SLC24A3: variants seen among roughly 807,000 people sequenced by gnomAD.
SLC24A3 encodes solute carrier family 24 member 3, also known as sodium/potassium/calcium exchanger 3.
Under a neutral mutation model 75.8 loss-of-function variants are expected in SLC24A3, and 28 were observed. The ratio of observed to expected loss-of-function variants is 0.37; its 90% CI spans 0.27 to 0.51. SLC24A3 has a LOEUF of 0.51. SLC24A3 is among the 20% of genes least tolerant of loss of function. The pLI is 0.94. For missense variants in SLC24A3, 663 were observed against 847.8 expected, an observed-to-expected ratio of 0.78 and a Z score of 2.71; for synonymous variants, 372 against 334.1, an observed-to-expected ratio of 1.11 and a Z score of -1.24.
chr20:19,308,879 A>G (rs1357599323), intron 2 of SLC24A3, among the ~76,000 whole-genome samples: 2 of 152,218 alleles, frequency 1.3e-5, no homozygotes, highest in African/African-American at 4.8e-5. Flanking sequence ...AACTAAATGA[A>G]ACATCTCTGC....
At chr20:19,458,114 G>T (rs1245308992) in intron 2 of SLC24A3, among the ~76,000 whole-genome samples, 1 of 152,078 alleles carries the variant, frequency 6.6e-6, no homozygotes, top group Non-Finnish European at 1.5e-5. Flanking sequence ...TGGAAGTTCT[G>T]CTTGAGAATG....
chr20:19,218,185 C>T, intron 1 of SLC24A3, among the ~76,000 whole-genome samples: 1 of 152,178 alleles, frequency 6.6e-6, no homozygotes, highest in East Asian at 1.9e-4. Flanking sequence ...AAGTAGTCAT[C>T]CTGTGTTAGG....
At chr20:19,324,096 G>C (rs770536834) in intron 2 of SLC24A3, among the ~76,000 whole-genome samples, 3 of 152,256 alleles carry the variant, frequency 2.0e-5, no homozygotes, top group East Asian at 1.9e-4. Flanking sequence ...AACAAGCTTG[G>C]TTGCTGCCAT....
At chr20:19,305,701 A>G (rs1226685428) in intron 2 of SLC24A3, among the ~76,000 whole-genome samples, 1 of 152,208 alleles carries the variant, frequency 6.6e-6, no homozygotes, top group Non-Finnish European at 1.5e-5. Context: ...GGCCAGCCAC[A>G]TGCAGAAGAA....
chr20:19,653,969 G>A, intron 6 of SLC24A3, 93 bp from the exon 7 acceptor site: 1 of 996,816 alleles, frequency 1.0e-6, no homozygotes, highest in Non-Finnish European at 1.6e-6. Context: ...AGGACAGGAG[G>A]CCTAGACAGG....
At chr20:19,672,230 T>C (rs1690722141) in intron 8 of SLC24A3, among the ~76,000 whole-genome samples, 1 of 152,156 alleles carries the variant, frequency 6.6e-6, no homozygotes, top group African/African-American at 2.4e-5. Flanking sequence ...TGACAGAAGC[T>C]GAGAAATGTG....
At chr20:19,584,591 G>A (rs558556301) in intron 4 of SLC24A3, among the ~76,000 whole-genome samples, 6 of 152,112 alleles carry the variant, frequency 3.9e-5, no homozygotes, top group Admixed American at 2.0e-4. Flanking sequence ...CAGACCTACC[G>A]CCTGCTGTGG....
chr20:19,717,370 C>T (rs1325468876), intron 15 of SLC24A3, among the ~76,000 whole-genome samples, 158 bp from the exon 16 acceptor site: 1 of 152,222 alleles, frequency 6.6e-6, no homozygotes, highest in African/African-American at 2.4e-5. Flanking sequence ...CAAGTATAAG[C>T]TGTGGAGCTG....
At chr20:19,354,914 C>G (rs1310094028) in intron 2 of SLC24A3, among the ~76,000 whole-genome samples, 1 of 152,106 alleles carries the variant, frequency 6.6e-6, no homozygotes, top group Non-Finnish European at 1.5e-5. Context: ...TAAGTCACTT[C>G]TCCTCCTTTG....
chr20:19,435,305 T>C (rs1450654088), intron 2 of SLC24A3, among the ~76,000 whole-genome samples: 1 of 152,220 alleles, frequency 6.6e-6, no homozygotes, highest in African/African-American at 2.4e-5. Context: ...GATTAAGTGG[T>C]ACTGCCCATG....
At chr20:19,429,266 TGACCCAGAGGAG>T (rs1987062510) in intron 2 of SLC24A3, among the ~76,000 whole-genome samples, 1 of 152,264 alleles carries the variant, frequency 6.6e-6, no homozygotes, top group Admixed American at 6.5e-5. Flanking sequence ...TGTATTGGGT[TGACCCAGAGGAG>T]GCTGCTGATA....
chr20:19,424,092 A>G (rs1986960308), intron 2 of SLC24A3, among the ~76,000 whole-genome samples: 1 of 152,168 alleles, frequency 6.6e-6, no homozygotes, highest in African/African-American at 2.4e-5. Context: ...ACAGTAGACA[A>G]GTGGGGGTGG....
intron 1 of SLC24A3, among the ~76,000 whole-genome samples, chr20:19,275,013 G>A (rs933465857): frequency 3.3e-5 from 5 of 152,168 alleles, no homozygotes; most frequent in Admixed American, 6.5e-5. Context: ...TGTTGCATTC[G>A]GCTTTACAAG....
chr20:19,404,848 A>T (rs1188180507), intron 2 of SLC24A3, among the ~76,000 whole-genome samples: 2 of 152,074 alleles, frequency 1.3e-5, no homozygotes, highest in African/African-American at 4.8e-5. Context: ...CAGTTCTTTC[A>T]CCTGGTGCCC....
intron 16 of SLC24A3, among the ~76,000 whole-genome samples, chr20:19,719,953 G>A (rs1169810372): frequency 1.3e-5 from 2 of 152,206 alleles, no homozygotes; most frequent in East Asian, 3.9e-4. Flanking sequence ...GTATCAATGA[G>A]GTGTGGGCTA....
chr20:19,337,450 A>T (rs1046228575), intron 2 of SLC24A3, among the ~76,000 whole-genome samples: 4 of 106,616 alleles, frequency 3.8e-5, no homozygotes, highest in African/African-American at 2.4e-4. Context: ...ATCTCAAAAT[A>T]AGTAAATAAA....
chr20:19,456,350 A>C (rs1231620052), intron 2 of SLC24A3, among the ~76,000 whole-genome samples: 3 of 152,126 alleles, frequency 2.0e-5, no homozygotes, highest in Non-Finnish European at 4.4e-5. Flanking sequence ...TCGTGGGGGC[A>C]GTTTCCCCCA....
chr20:19,713,345 A>ATAATT (rs2033009887), intron 15 of SLC24A3, among the ~76,000 whole-genome samples: 1 of 152,200 alleles, frequency 6.6e-6, no homozygotes, highest in African/African-American at 2.4e-5. Flanking sequence ...TAGACTCAAA[A>ATAATT]TAATTTAAGT....
chr20:19,336,862 T>C (rs538560903), intron 2 of SLC24A3, among the ~76,000 whole-genome samples: 2 of 152,164 alleles, frequency 1.3e-5, no homozygotes, highest in South Asian at 4.2e-4. Flanking sequence ...ACTTCCTCTT[T>C]ATAAAATGTA....
Sources: allele counts gnomAD v4.1 joint callset (sites outside exome capture counted in the v4.1 genomes callset), GRCh38; gene constraint gnomAD v4.1.1; transcripts MANE v1.5; gene names NCBI Gene and HGNC (gene_info 2026-07-23, HGNC 2026-07-21).